The following KCTD1 variants were observed in gnomAD, a reference collection of about 807,000 sequenced individuals.
KCTD1 encodes BTB/POZ domain-containing protein KCTD1.
In KCTD1, 24 loss-of-function variants were observed where a neutral mutation model predicts 66.0. The observed-to-expected ratio is 0.36, with a 90% CI of 0.26 to 0.51. The LOEUF (loss-of-function observed/expected upper bound fraction) is 0.51, where lower values mean the gene tolerates loss of function less well. KCTD1 is among the 20% of genes least tolerant of loss of function. The pLI is 0.95. For synonymous variants in KCTD1, 511 were observed against 517.2 expected, an observed-to-expected ratio of 0.99 and a Z score of 0.16; for missense variants, 943 against 1,205.2, an observed-to-expected ratio of 0.78 and a Z score of 3.22.
upstream of KCTD1, among the ~76,000 whole-genome samples, chr18:26,643,431 C>T (rs1271952429): frequency 1.3e-5 from 2 of 151,946 alleles, no homozygotes; most frequent in Non-Finnish European, 2.9e-5. Flanking sequence ...AGGAAGGGGC[C>T]AATGGAGACA....
At chr18:26,586,834 A>C (rs1819388086) in intron 1 of KCTD1, among the ~76,000 whole-genome samples, 1 of 152,166 alleles carries the variant, frequency 6.6e-6, no homozygotes, top group African/African-American at 2.4e-5. Context: ...GAAGGCTGAG[A>C]GGGGTGAGGT....
intron 1 of KCTD1, among the ~76,000 whole-genome samples, chr18:26,514,567 AAAAAG>A (rs1983550141): frequency 7.5e-6 from 1 of 133,860 alleles, no homozygotes; most frequent in Non-Finnish European, 1.6e-5. Flanking sequence ...AAAAAAAAAA[AAAAAG>A]AAATGGCAGA....
At chr18:26,652,379 C>A (rs1988053117) in intron 1 of KCTD1, among the ~76,000 whole-genome samples, 1 of 152,086 alleles carries the variant, frequency 6.6e-6, no homozygotes, top group African/African-American at 2.4e-5. Flanking sequence ...GTACATCAAA[C>A]CCCTATGGAG....
chr18:26,578,062 T>C (rs1317127377), intron 1 of KCTD1, among the ~76,000 whole-genome samples: 26 of 145,602 alleles, frequency 1.8e-4, no homozygotes, highest in African/African-American at 3.6e-4. Context: ...TCTTTCTTTT[T>C]TTTTTTTTTT....
chr18:26,527,786 G>T (rs1226339517), intron 1 of KCTD1, among the ~76,000 whole-genome samples: 2 of 152,038 alleles, frequency 1.3e-5, no homozygotes, highest in East Asian at 1.9e-4. Flanking sequence ...CATAATTTTT[G>T]TTCAATTTTG....
At chr18:26,587,942 C>T (rs769391650) in intron 1 of KCTD1, among the ~76,000 whole-genome samples, 4 of 152,108 alleles carry the variant, frequency 2.6e-5, no homozygotes, top group Non-Finnish European at 4.4e-5. Context: ...ATTGCTGAAA[C>T]GATAACAAAG....
chr18:26,500,995 T>G, intron 2 of KCTD1, 77 bp downstream of exon 2: 1 of 1,525,860 alleles, frequency 6.6e-7, no homozygotes, highest in East Asian at 2.3e-5. Context: ...GAGGCTACAC[T>G]GCTATGCTGG....
intron 3 of KCTD1, among the ~76,000 whole-genome samples, chr18:26,474,739 G>A (rs1438411781): frequency 6.6e-6 from 1 of 152,020 alleles, no homozygotes; most frequent in Non-Finnish European, 1.5e-5. Context: ...CACTTGTCTT[G>A]TATTTGTATA....
intron 1 of KCTD1, among the ~76,000 whole-genome samples, chr18:26,605,764 C>A (rs911787424): frequency 7.0e-6 from 1 of 142,862 alleles, no homozygotes; most frequent in African/African-American, 2.6e-5. Context: ...ATCTATCTAT[C>A]TATCTATATT....
chr18:26,589,477 G>A (rs1986547383), intron 1 of KCTD1, among the ~76,000 whole-genome samples: 1 of 152,016 alleles, frequency 6.6e-6, no homozygotes, highest in Non-Finnish European at 1.5e-5. Flanking sequence ...TCTCAGTGGT[G>A]GGCCAGGCTA....
At position 26,547,101 on chromosome 18, in the gene KCTD1, C is replaced by T; in HGVS notation, c.1436G>A (p.Cys479Tyr). The change falls in exon 1 of 5, where the codon TGC becomes TAC. Residue 479 changes from cysteine to tyrosine, a missense_variant. Around this residue, in one of 10 missense-constraint regions of KCTD1, gnomAD observed 197 missense variants for 182.7 expected, o/e 1.08. Coordinates refer to ENST00000580059, the MANE Select transcript of KCTD1 (RefSeq NM_001142730.3). ...CGCCCCGTTCAGAGCCTCGGCGTAG[C>T]AGCCCTGCGGGGCGGGCGAGCCCAG... ...TKLGSPAPQG[C>Y]YAEALNGAAR... 6.5e-7 allele frequency: 1 copy of T among 1,547,748 alleles called. No individual in the cohort carries two copies.
intron 1 of KCTD1, among the ~76,000 whole-genome samples, chr18:26,506,766 G>A (rs1983060001): frequency 6.6e-6 from 1 of 152,202 alleles, no homozygotes; most frequent in South Asian, 2.1e-4. Flanking sequence ...CTGCAGTACA[G>A]GAGATGCTCT....
chr18:26,611,964 G>GA (rs753691149), intron 1 of KCTD1, among the ~76,000 whole-genome samples: 4 of 152,142 alleles, frequency 2.6e-5, no homozygotes, highest in Admixed American at 6.5e-5. Flanking sequence ...CACCACTACT[G>GA]AAGCAAGACT....
intron 1 of KCTD1, among the ~76,000 whole-genome samples, chr18:26,618,178 C>T (rs1021525719): frequency 6.6e-6 from 1 of 151,602 alleles, no homozygotes; most frequent in Non-Finnish European, 1.5e-5. Context: ...TCTTATTTTT[C>T]TCATCTGCTA....
At chr18:26,616,713 C>A (rs193259622) in intron 1 of KCTD1, among the ~76,000 whole-genome samples, 1 of 151,904 alleles carries the variant, frequency 6.6e-6, no homozygotes, top group Non-Finnish European at 1.5e-5. Context: ...TTGTAGAGAC[C>A]AGGTCTGGTT....
At chr18:26,587,308 T>C (rs1226132655) in intron 1 of KCTD1, among the ~76,000 whole-genome samples, 1 of 152,216 alleles carries the variant, frequency 6.6e-6, no homozygotes, top group Non-Finnish European at 1.5e-5. Flanking sequence ...TACTGAATAT[T>C]TTAAGCTACC....
At chr18:26,516,411 C>T (rs1983659779) in intron 1 of KCTD1, among the ~76,000 whole-genome samples, 1 of 152,154 alleles carries the variant, frequency 6.6e-6, no homozygotes, top group Non-Finnish European at 1.5e-5. Flanking sequence ...AAAGGGTCCT[C>T]CAGGTCCTGC....
intron 1 of KCTD1, chr18:26,581,149 A>T (rs1383588222): frequency 1.3e-5 from 2 of 152,258 alleles, no homozygotes; most frequent in Non-Finnish European, 2.9e-5. Context: ...TGATATGTTA[A>T]GTAAAACAAA....
Position 26,547,405 on chromosome 18 carries a change from T to C in KCTD1, c.1132A>G (p.Met378Val). 6.4e-7 allele frequency: 1 copy of C among 1,551,368 alleles called. No individual in the cohort carries two copies. The highest frequency in any genetic ancestry group is 8.7e-7 in the Non-Finnish European group (1 of 1,146,768). The change falls in exon 1 of 5, where the codon ATG becomes GTG. Residue 378 changes from methionine (M) to valine (V), a missense_variant. Coordinates refer to ENST00000580059, the MANE Select transcript of KCTD1 (RefSeq NM_001142730.3). ...CAGAACTCGGTGCCCGTCTCATACA[T>C]GCGGGGCAAGTTCTCCTCGTCGCTG... ...ESSDEENLPR[M>V]YETGTEFCPY...
Sources: gnomAD v4.1 joint callset for allele counts (sites outside exome capture counted in the v4.1 genomes callset) on GRCh38, gnomAD v4.1.1 for gene constraint, gnomAD v4.1.1 regional missense constraint, MANE v1.5 for transcripts, NCBI Gene and HGNC (gene_info 2026-07-23, HGNC 2026-07-21) for gene names.